Variants in CDC73 observed in about 807,000 individuals in gnomAD.
CDC73 encodes the protein parafibromin.
CDC73 carries 21 observed loss-of-function variants against 83.7 expected under a neutral mutation model. The observed-to-expected ratio is 0.25, with a 90% CI of 0.18 to 0.36. CDC73 has a LOEUF of 0.36. CDC73 is among the 10% of genes least tolerant of loss of function. CDC73 has a pLI of 1.00. For missense variants in CDC73, 342 were observed against 653.3 expected (o/e 0.52, Z 5.19); for synonymous variants, 224 against 212.9 (o/e 1.05, Z -0.45).
rs1221993723 is a variant in CDC73 at position 193,181,705 on chromosome 1, T to G, written c.973-22090T>G. On this transcript the variant is annotated intron_variant, in intron 10 of 16. Transcript: ENST00000367435. ...ATTCTATAAAAATGAAGCACAAAAG[T>G]TTACAGAACTGCCTGAAAGGGACTT... 5.3e-6 allele frequency: 4 copies of G among 761,514 alleles called. No individual in the cohort carries two copies. The African/African-American group carries it at 7.1e-5, about 14-fold the overall frequency. 47.2% of individuals were successfully genotyped at this position (761,514 alleles called of 1,614,324 possible). A position where few individuals can be genotyped will look rare whatever the true frequency, so the allele number is the denominator to read the frequency against.
intron 14 of CDC73, among the ~76,000 whole-genome samples, chr1:193,233,742 G>C (rs755361352): frequency 1.3e-5 from 2 of 152,144 alleles, no homozygotes; most frequent in East Asian, 3.9e-4. Context: ...AAAAATGAAG[G>C]CATATTTTAT....
intron 10 of CDC73, among the ~76,000 whole-genome samples, chr1:193,187,550 G>C (rs1220713089): frequency 6.6e-6 from 1 of 151,988 alleles, no homozygotes; most frequent in Non-Finnish European, 1.5e-5. Flanking sequence ...TTTTGTTGTA[G>C]TAAAAAGCCT....
chr1:193,139,192 A>G (rs1410451412), intron 6 of CDC73, among the ~76,000 whole-genome samples: 1 of 151,384 alleles, frequency 6.6e-6, no homozygotes, highest in East Asian at 1.9e-4. Context: ...TGTGTTTTCA[A>G]CTTTACTTAA....
Position 193,138,150 on chromosome 1 carries a change from G to A in CDC73, c.489G>A (p.Gly163=), listed in dbSNP as rs776075865. Residue 163 remains glycine, a synonymous_variant, in exon 6 of 17, where the codon GGG becomes GGA. Transcript: ENST00000367435. ...LAARLEGHKE[G]IVQTEQIRSL... ...CCCGTTTGGAGGGTCACAAAGAAGG[G>A]ATTGTACAGACTGAACAGATTAGGT... The A allele has an allele frequency of 6.2e-6, 10 of 1,612,052 alleles. No homozygotes were observed. The highest frequency in any genetic ancestry group is 8.5e-6 in the Non-Finnish European group (10 of 1,178,222).
Position 193,251,876 on chromosome 1 carries a change from G to A in CDC73, c.*1164G>A, listed in dbSNP as rs1206628870. ...TTTTTTCCTTAAAGGCAACTAGGAA[G>A]CTTTACTTTCCTAAAGTGTTTTTGC... On this transcript the variant is annotated 3_prime_UTR_variant, in exon 17 of 17. Coordinates refer to ENST00000367435, the MANE Select transcript of CDC73 (RefSeq NM_024529.5). 9 of 230,610 alleles carry A rather than the reference G, an allele frequency of 3.9e-5. 1 individual carries two copies. The East Asian group carries it at 5.5e-4, about 14-fold the overall frequency. 14.3% of individuals were successfully genotyped at this position (230,610 alleles called of 1,614,324 possible).
chr1:193,148,044 T>G, intron 8 of CDC73, 79 bp downstream of exon 8: 2 of 936,586 alleles, frequency 2.1e-6, no homozygotes, highest in Admixed American at 3.7e-5. Context: ...TGAAGACATC[T>G]TCACATTTTA....
At chr1:193,144,381 A>G (rs1426530894) in intron 7 of CDC73, among the ~76,000 whole-genome samples, 1 of 152,106 alleles carries the variant, frequency 6.6e-6, no homozygotes, top group South Asian at 2.1e-4. Flanking sequence ...TAGTAGATTG[A>G]TGATAATATT....
intron 11 of CDC73, among the ~76,000 whole-genome samples, chr1:193,207,550 G>A (rs369784200): frequency 3.3e-5 from 5 of 152,088 alleles, no homozygotes; most frequent in South Asian, 2.1e-4. Context: ...TTCCTTCCCC[G>A]GGGTATTCCT....
At chr1:193,206,921 C>CA (rs752401738) in intron 11 of CDC73, among the ~76,000 whole-genome samples, 2 of 152,152 alleles carry the variant, frequency 1.3e-5, no homozygotes, top group African/African-American at 2.4e-5. Context: ...TCCAACCTCT[C>CA]AAAATTCATT....
intron 10 of CDC73, among the ~76,000 whole-genome samples, chr1:193,199,586 AC>A (rs963693955): frequency 3.3e-5 from 5 of 151,030 alleles, no homozygotes; most frequent in African/African-American, 1.2e-4. Flanking sequence ...GATGGTGCGC[AC>A]CTGTAGCCCC....
chr1:193,209,412 A>G (rs1677240994), intron 11 of CDC73, among the ~76,000 whole-genome samples: 2 of 152,168 alleles, frequency 1.3e-5, no homozygotes, highest in African/African-American at 2.4e-5. Context: ...AGATATAGAA[A>G]CTATTATCTC....
At chr1:193,146,433 A>G (rs1436805386) in intron 7 of CDC73, among the ~76,000 whole-genome samples, 1 of 152,166 alleles carries the variant, frequency 6.6e-6, no homozygotes, top group Non-Finnish European at 1.5e-5. Context: ...CCAAGAGCAT[A>G]GCAGTGGCAT....
intron 13 of CDC73, among the ~76,000 whole-genome samples, chr1:193,228,490 T>C (rs1337972886): frequency 6.6e-6 from 1 of 152,192 alleles, no homozygotes; most frequent in Non-Finnish European, 1.5e-5. Flanking sequence ...TAAAGATAGA[T>C]AGATGAATGA....
chr1:193,179,203 T>C (rs1676665758), intron 10 of CDC73: 1 of 152,288 alleles, frequency 6.6e-6, no homozygotes, highest in East Asian at 1.9e-4. Context: ...TCTACCAAAT[T>C]AAAAACTGCA....
intron 10 of CDC73, among the ~76,000 whole-genome samples, chr1:193,163,512 C>A (rs1383424802): frequency 2.6e-5 from 4 of 151,016 alleles, no homozygotes; most frequent in South Asian, 4.2e-4. Flanking sequence ...GCCCGCCCCC[C>A]AAAAAAAGAA....
At chr1:193,160,127 A>G (rs1676284014) in intron 10 of CDC73, among the ~76,000 whole-genome samples, 1 of 152,190 alleles carries the variant, frequency 6.6e-6, no homozygotes, top group Admixed American at 6.5e-5. Flanking sequence ...TTGTTAAAGA[A>G]TAACTATTAG....
Position 193,164,755 on chromosome 1 carries a change from C to T in CDC73, c.972+12311C>T, listed in dbSNP as rs568571877. On this transcript the variant is annotated intron_variant, in intron 10 of 16. Transcript: ENST00000367435. The stretch of plus-strand genomic sequence containing the variant: ...CTATTCCTTGTTGTGTCTGACTAAT[C>T]CCTTGCCAGATGGATATGATGTGTT... 3.9e-5 allele frequency among the ~76,000 whole-genome samples: 6 copies of T among 152,216 alleles called. No individual in the cohort carries two copies. The South Asian group carries it at 1.0e-3, about 26-fold the overall frequency.
At chr1:193,195,536 A>G (rs1021272280) in intron 10 of CDC73, among the ~76,000 whole-genome samples, 7 of 152,164 alleles carry the variant, frequency 4.6e-5, no homozygotes, top group African/African-American at 1.7e-4. Context: ...TTGTTGGATC[A>G]TATGTTAATT....
intron 11 of CDC73, among the ~76,000 whole-genome samples, chr1:193,209,175 AT>A (rs1293710371): frequency 6.6e-6 from 1 of 152,214 alleles, no homozygotes; most frequent in African/African-American, 2.4e-5. Context: ...TTTCTTAAGA[AT>A]CTAATTTATT....
Sources: gnomAD v4.1 joint callset for allele counts (sites outside exome capture counted in the v4.1 genomes callset) on GRCh38, gnomAD v4.1.1 for gene constraint, MANE v1.5 for transcripts, NCBI Gene and HGNC (gene_info 2026-07-23, HGNC 2026-07-21) for gene names.